Variants in STXBP4 observed in about 807,000 individuals in gnomAD.
The protein encoded by STXBP4 is syntaxin-binding protein 4.
STXBP4 carries 55 observed loss-of-function variants against 76.1 expected under a neutral mutation model. The observed-to-expected ratio is 0.72, with a 90% CI of 0.58 to 0.91. The LOEUF (loss-of-function observed/expected upper bound fraction) is 0.91. Ranked by LOEUF, STXBP4 falls within the 40% of genes least tolerant of loss-of-function variation. The pLI, the probability that STXBP4 is intolerant of heterozygous loss-of-function variation, is 0.00. For synonymous variants in STXBP4, 201 were observed against 220.2 expected (o/e 0.91, Z 0.77); for missense variants, 618 against 636.9 (o/e 0.97, Z 0.32).
At chr17:54,988,339 C>A (rs1343050284) in intron 3 of STXBP4, among the ~76,000 whole-genome samples, 3 of 152,104 alleles carry the variant, frequency 2.0e-5, no homozygotes, top group Non-Finnish European at 2.9e-5. Context: ...TTGTTTGTGC[C>A]CCCAGTGAAG....
At chr17:55,186,368 G>A in the STXBP4 span, among the ~76,000 whole-genome samples, 7 of 152,138 alleles carry the variant, frequency 4.6e-5, no homozygotes, top group South Asian at 2.1e-4. Flanking sequence ...CGGAAAAAGC[G>A]ATCTTAAGAA....
chr17:55,053,889 A>G (rs115367657), intron 12 of STXBP4, among the ~76,000 whole-genome samples: 6 of 152,160 alleles, frequency 3.9e-5, no homozygotes, highest in African/African-American at 1.4e-4. Flanking sequence ...TTTTCTCCTA[A>G]AGGCTTGGAA....
At chr17:55,173,756 T>A (rs987936508), downstream of STXBP4, 1 of 152,252 alleles carries the variant, frequency 6.6e-6, no homozygotes, top group African/African-American at 2.4e-5. Flanking sequence ...ATGAATTTAG[T>A]GACTTAAGCA....
chr17:55,204,833 C>T, the STXBP4 span, among the ~76,000 whole-genome samples: 6 of 123,104 alleles, frequency 4.9e-5, no homozygotes, highest in African/African-American at 1.4e-4. Flanking sequence ...CACACACACA[C>T]ACACACACAC....
At position 55,089,191 on chromosome 17, in the gene STXBP4, ATGT is replaced by A. The variant is rs554572202; in HGVS notation, c.1489+8023_1489+8025del. On this transcript the variant is annotated intron_variant, in intron 16 of 17. Coordinates refer to ENST00000376352, the MANE Select transcript of STXBP4 (RefSeq NM_178509.6). ...GTAGGGTAAGATGTTCCCTGTATGG[ATGT>A]TGTTGTTGTTGTTGCTGCTGCTGCC... is the stretch of plus-strand genomic sequence containing the variant. 8.5e-5 allele frequency among the ~76,000 whole-genome samples: 13 copies of A among 152,202 alleles called. No homozygotes were observed. The East Asian group carries it at 1.2e-3, about 14-fold the overall frequency.
At chr17:55,190,824 G>GA in the STXBP4 span, among the ~76,000 whole-genome samples, 11 of 151,736 alleles carry the variant, frequency 7.2e-5, no homozygotes, top group South Asian at 4.2e-4. Flanking sequence ...GATGCCCTCA[G>GA]AAAAAAAATA....
chr17:55,043,688 T>C, intron 11 of STXBP4: 1 of 1,542,014 alleles, frequency 6.5e-7, no homozygotes. Context: ...CTTTGGGAAA[T>C]ACATTTTTTT....
chr17:55,151,291 A>T (rs544579072), intron 17 of STXBP4, among the ~76,000 whole-genome samples: 17 of 152,298 alleles, frequency 1.1e-4, no homozygotes, highest in Non-Finnish European at 2.4e-4. Flanking sequence ...TGGGGCTTTG[A>T]TACTCTGAGC....
chr17:55,066,686 TA>T lies in STXBP4; in HGVS notation c.1012-6208del, dbSNP rs200269497. Among the ~76,000 whole-genome samples the T allele has an allele frequency of 3.3e-3, 499 of 152,224 alleles. 12 individuals are homozygous for T. Among genetic ancestry groups the T allele is most frequent in the East Asian group, 0.025 (131 of 5,188 alleles). On this transcript the variant is annotated intron_variant, in intron 12 of 17. Coordinates refer to ENST00000376352, the MANE Select transcript of STXBP4 (RefSeq NM_178509.6). ...AGTCTTATTTGCTTGATAAATACTG[TA>T]AAAAAGATTTTTTAAAATTTATATA... is the stretch of plus-strand genomic sequence containing the variant.
At chr17:55,051,188 T>C (rs1245435543) in intron 12 of STXBP4, among the ~76,000 whole-genome samples, 3 of 152,194 alleles carry the variant, frequency 2.0e-5, no homozygotes, top group African/African-American at 7.2e-5. Context: ...TACTTTTGTG[T>C]ACATGTTAAT....
At chr17:54,978,027 T>C (rs2077496077) in intron 1 of STXBP4, among the ~76,000 whole-genome samples, 1 of 152,090 alleles carries the variant, frequency 6.6e-6, no homozygotes, top group Non-Finnish European at 1.5e-5. Flanking sequence ...TCCACTCTAA[T>C]CCCTCCCAAA....
At chr17:55,084,139 C>T (rs2079293425) in intron 16 of STXBP4, among the ~76,000 whole-genome samples, 1 of 152,114 alleles carries the variant, frequency 6.6e-6, no homozygotes, top group East Asian at 1.9e-4. Flanking sequence ...CTCTCCAGCA[C>T]CTGTTGTTTC....
At chr17:55,047,470 TC>T (rs1196961580) in intron 12 of STXBP4, among the ~76,000 whole-genome samples, 6 of 151,960 alleles carry the variant, frequency 3.9e-5, no homozygotes, top group Admixed American at 6.6e-5. Context: ...TTCTTTCATT[TC>T]CCCTTTTTTC....
chr17:55,078,250 TATAG>T, intron 14 of STXBP4, 56 bp downstream of exon 14: 2 of 1,116,136 alleles, frequency 1.8e-6, no homozygotes, highest in Non-Finnish European at 2.7e-6. Context: ...GCAACTGGCA[TATAG>T]ATAAATGTTA....
chr17:55,168,249 CACA>C lies in STXBP4; in HGVS notation c.*8339_*8341del, dbSNP rs2080387932. 2 of 6,726 alleles carry C rather than the reference CACA, an allele frequency of 3.0e-4. No homozygotes were observed. The highest frequency in any genetic ancestry group is 1.8e-3 in the African/African-American group (1 of 552). 0.4% of individuals were successfully genotyped at this position (6,726 alleles called of 1,614,324 possible). On this transcript the variant is annotated 3_prime_UTR_variant, in exon 18 of 18. Transcript: ENST00000376352. ...TATATCTGTGTGTATATACACACCACACACACACACACACACACGTATTGGAGG... is the reference window on the plus strand; with the variant it reads ...TATATCTGTGTGTATATACACACCACCACACACACACACACGTATTGGAGG...
chr17:55,186,187 G>C, the STXBP4 span, among the ~76,000 whole-genome samples: 1 of 152,162 alleles, frequency 6.6e-6, no homozygotes, highest in East Asian at 1.9e-4. Context: ...AAATATAAAT[G>C]AAAAAATTAG....
At chr17:54,999,982 T>G in intron 6 of STXBP4, 140 bp downstream of exon 6, 1 of 784,888 alleles carries the variant, frequency 1.3e-6, no homozygotes, top group South Asian at 2.1e-5. Context: ...TTTTTTCTAT[T>G]TAAAATTTTT....
chr17:55,079,975 ACT>A (rs765412650), intron 15 of STXBP4, among the ~76,000 whole-genome samples: 1 of 151,984 alleles, frequency 6.6e-6, no homozygotes, highest in Non-Finnish European at 1.5e-5. Flanking sequence ...ATACAAGAAA[ACT>A]CTGTGAATTT....
chr17:55,132,739 G>A (rs545142395), intron 16 of STXBP4, among the ~76,000 whole-genome samples: 10 of 150,360 alleles, frequency 6.7e-5, no homozygotes, highest in African/African-American at 2.5e-4. Context: ...CAGGTTGAGG[G>A]GGATAATGAG....
Sources: allele counts gnomAD v4.1 joint callset (sites outside exome capture counted in the v4.1 genomes callset), GRCh38; gene constraint gnomAD v4.1.1; transcripts MANE v1.5; gene names NCBI Gene and HGNC (gene_info 2026-07-23, HGNC 2026-07-21).